Variants in SYNE2 observed in about 807,000 individuals in gnomAD.
SYNE2 encodes nesprin-2.
Under a neutral mutation model 856.3 loss-of-function variants are expected in SYNE2, and 431 were observed. That is an observed-to-expected ratio of 0.50 (90% confidence interval 0.47 to 0.55). The LOEUF (loss-of-function observed/expected upper bound fraction) is 0.55. SYNE2 is among the 20% of genes least tolerant of loss of function. SYNE2 has a pLI of 0.00. For missense variants in SYNE2, 8,129 were observed against 8,023.2 expected, an observed-to-expected ratio of 1.01 and a Z score of -0.50; for synonymous variants, 2,923 against 2,872.3, an observed-to-expected ratio of 1.02 and a Z score of -0.56.
chr14:63,998,433 C>T, intron 26 of SYNE2, 105 bp downstream of exon 26: 2 of 757,420 alleles, frequency 2.6e-6, no homozygotes, highest in Non-Finnish European at 2.3e-6. Flanking sequence ...CGTCATTTTG[C>T]ATATGATCCA....
In SYNE2 at chr14:64,052,928, T is replaced by C. The variant is rs765579629; in HGVS notation, c.9015T>C (p.Phe3005=). 1.1e-5 allele frequency: 18 copies of C among 1,612,504 alleles called. No homozygotes were observed. In the South Asian group the frequency reaches 1.9e-4, roughly 17 times the overall value. Residue 3005 remains phenylalanine, a synonymous_variant, in exon 48 of 116, where the codon TTT becomes TTC. Transcript: ENST00000555002. ...ILQVLKLKKV[F]DYIGLNWDFS... is the part of the protein sequence containing the mutation. The stretch of plus-strand genomic sequence containing the variant: ...AGGTATTGAAACTTAAAAAAGTGTT[T>C]GACTATATTGGACTAAACTGGGATT...
chr14:63,829,784 T>G (rs753219719), intron 1 of SYNE2, among the ~76,000 whole-genome samples: 5 of 151,736 alleles, frequency 3.3e-5, no homozygotes, highest in Admixed American at 6.6e-5. Flanking sequence ...CCCCAGATAA[T>G]TTTTTTTATT....
rs538800527 is a variant in SYNE2, at chr14:64,202,088, C to T, written c.18039-713C>T. On this transcript the variant is annotated intron_variant, in intron 99 of 115. Transcript: ENST00000555002. ...TGCGTGTGCTTTCAAATCTGCTCCA[C>T]GCCGAGTTGGGCCGGATGGGAGCTG... 5.2e-4 allele frequency: 350 copies of T among 670,662 alleles called. 2 individuals are homozygous for T. Among genetic ancestry groups the T allele is most frequent in the Admixed American group, 8.7e-4 (42 of 48,030 alleles). 41.5% of individuals were successfully genotyped at this position (670,662 alleles called of 1,614,324 possible). A position where few individuals can be genotyped will look rare whatever the true frequency, so the allele number is the denominator to read the frequency against.
chr14:63,940,000 G>A (rs2095885388), intron 2 of SYNE2, among the ~76,000 whole-genome samples: 1 of 151,592 alleles, frequency 6.6e-6, no homozygotes. Context: ...TTAAAGTCTA[G>A]GTTAGGAACT....
rs371930436 is a variant in SYNE2 at position 64,002,894 on chromosome 14, A to G, written c.3961A>G (p.Thr1321Ala). The G allele has an allele frequency of 1.2e-6, 2 of 1,614,084 alleles. No homozygotes were observed. Among genetic ancestry groups the G allele is most frequent in the Non-Finnish European group, 1.7e-6 (2 of 1,180,038 alleles). ...MNHRVQRSED[T>A]LKALEDFLAS... Reference sequence around the variant, plus strand: ...CCACAGGGTGCAGAGGAGTGAAGATACTCTCAAAGCTCTGGAAGACTTTTT... The same window carrying G: ...CCACAGGGTGCAGAGGAGTGAAGATGCTCTCAAAGCTCTGGAAGACTTTTT... Residue 1321 changes from threonine (T) to alanine (A), a missense_variant, in exon 30 of 116, where the codon ACT becomes GCT. Physicochemically the swap from Thr to Ala is moderately conservative, Grantham distance 58. Transcript: ENST00000555002.
At position 64,016,464 on chromosome 14, in the gene SYNE2, T is replaced by G. The variant is rs1161489440; in HGVS notation, c.4729-9T>G. The G allele has an allele frequency of 5.2e-6, 8 of 1,548,758 alleles. No homozygotes were observed. Among genetic ancestry groups the G allele is most frequent in the Non-Finnish European group, 7.1e-6 (8 of 1,133,104 alleles). ...AATATCAGAAATAACTTTCATATCTTTTTTACAGATTGAAATTGTCAAAGA... is the reference window on the plus strand; with the variant it reads ...AATATCAGAAATAACTTTCATATCTGTTTTACAGATTGAAATTGTCAAAGA... On this transcript the variant is annotated splice_polypyrimidine_tract_variant and intron_variant, in intron 32 of 115. Transcript: ENST00000555002.
Position 63,990,935 on chromosome 14 carries a change from C to T in SYNE2, c.2473-7C>T, listed in dbSNP as rs913232696. 1.9e-6 allele frequency: 3 copies of T among 1,613,736 alleles called. No individual in the cohort carries two copies. Among genetic ancestry groups the T allele is most frequent in the Non-Finnish European group, 2.5e-6 (3 of 1,179,758 alleles). On this transcript the variant is annotated splice_region_variant and splice_polypyrimidine_tract_variant and intron_variant, in intron 20 of 115. Coordinates refer to ENST00000555002, the MANE Select transcript of SYNE2 (RefSeq NM_182914.3). ...CGTGTTAATTTGAGAATTTTTTTGT[C>T]TTCAAGATCAATGTGGTAAAACTCA...
chr14:63,850,672 T>G (rs990837408), upstream of SYNE2, among the ~76,000 whole-genome samples: 2 of 152,182 alleles, frequency 1.3e-5, no homozygotes, highest in Non-Finnish European at 2.9e-5. Flanking sequence ...ATATCCAAAC[T>G]AGGATGGCTA....
intron 19 of SYNE2, 140 bp from the exon 20 acceptor site, chr14:63,990,271 A>C (rs1034050361): frequency 5.2e-5 from 38 of 727,962 alleles, no homozygotes; most frequent in Non-Finnish European, 7.1e-5. Context: ...ATGACTCCTT[A>C]AAATATCATT....
At chr14:64,003,522 G>A (rs141641398) in intron 30 of SYNE2, among the ~76,000 whole-genome samples, 192 bp downstream of exon 30, 3 of 152,284 alleles carry the variant, frequency 2.0e-5, no homozygotes, top group East Asian at 1.9e-4. Flanking sequence ...TGTACAAAAC[G>A]TTGCATAATT....
At chr14:64,218,336 C>A in intron 108 of SYNE2, 62 bp from the exon 109 acceptor site, 1 of 1,427,704 alleles carries the variant, frequency 7.0e-7, no homozygotes, top group Non-Finnish European at 9.8e-7. Context: ...GAAATGAATC[C>A]AGTTGTTCTT....
chr14:63,971,381 G>T (rs974349980), intron 11 of SYNE2, among the ~76,000 whole-genome samples: 1 of 152,036 alleles, frequency 6.6e-6, no homozygotes, highest in Non-Finnish European at 1.5e-5. Context: ...CTACTGAAGT[G>T]CTGGGATTAC....
chr14:64,000,631 G>A lies in SYNE2; in HGVS notation c.3550G>A (p.Val1184Met), dbSNP rs377084463. 151 of 1,613,330 alleles carry A rather than the reference G, an allele frequency of 9.4e-5. No homozygotes were observed. Among genetic ancestry groups the A allele is most frequent in the Non-Finnish European group, 1.2e-4 (145 of 1,179,680 alleles). The change falls in exon 28 of 116, where the codon GTG becomes ATG. Residue 1184 changes from valine (V) to methionine (M), a missense_variant. Physicochemically the swap from Val to Met is conservative, Grantham distance 21. Coordinates refer to ENST00000555002, the MANE Select transcript of SYNE2 (RefSeq NM_182914.3). The stretch of plus-strand genomic sequence containing the variant: ...TATTTCATTGAAGTTAGAAAATCAT[G>A]TGAATGACATAAAAAAGCCTTTTGT... The part of the protein sequence containing the change: ...EIISLKLENH[V>M]NDIKKPFVIK...
intron 67 of SYNE2, among the ~76,000 whole-genome samples, chr14:64,119,887 T>C (rs2097885054): frequency 6.6e-6 from 1 of 152,212 alleles, no homozygotes; most frequent in Non-Finnish European, 1.5e-5. Context: ...TGAGGTCTAG[T>C]GTAAGGCTTC....
chr14:64,028,291 T>C (rs1257626039), intron 43 of SYNE2, among the ~76,000 whole-genome samples: 1 of 152,156 alleles, frequency 6.6e-6, no homozygotes, highest in African/African-American at 2.4e-5. Context: ...TGTCTTTCTC[T>C]GTCACCCAAG....
At chr14:64,056,293 T>G (rs1224889550) in intron 49 of SYNE2, 27 bp downstream of exon 49, 1 of 1,571,962 alleles carries the variant, frequency 6.4e-7, no homozygotes, top group African/African-American at 1.4e-5. Context: ...AGGTAATCTT[T>G]AAGAACATAA....
At chr14:64,158,907 C>A in intron 86 of SYNE2, 112 bp downstream of exon 86, 1 of 1,153,856 alleles carries the variant, frequency 8.7e-7, no homozygotes, top group African/African-American at 1.5e-5. Context: ...AAGCACAAAG[C>A]ATGTTAAATA....
intron 1 of SYNE2, among the ~76,000 whole-genome samples, chr14:63,763,108 C>T (rs1886550148): frequency 1.3e-5 from 2 of 152,080 alleles, no homozygotes; most frequent in South Asian, 2.1e-4. Flanking sequence ...GCTGGGACTA[C>T]AGGCGCCCAC....
At chr14:64,194,100 C>T (rs1230974045) in intron 99 of SYNE2, among the ~76,000 whole-genome samples, 1 of 152,172 alleles carries the variant, frequency 6.6e-6, no homozygotes, top group African/African-American at 2.4e-5. Flanking sequence ...CATCTACACT[C>T]TTATGAAACA....
Sources: allele counts gnomAD v4.1 joint callset (sites outside exome capture counted in the v4.1 genomes callset), GRCh38; gene constraint gnomAD v4.1.1; transcripts MANE v1.5; gene names NCBI Gene and HGNC (gene_info 2026-07-23, HGNC 2026-07-21).